MTUS1: variants seen among roughly 807,000 people sequenced by gnomAD.
MTUS1 encodes microtubule associated scaffold protein 1.
Under a neutral mutation model 120.8 loss-of-function variants are expected in MTUS1, and 109 were observed. That is an observed-to-expected ratio of 0.90 (90% CI 0.77 to 1.06). MTUS1 has a LOEUF of 1.06. Ranked by LOEUF, MTUS1 falls within the 50% of genes least tolerant of loss-of-function variation. The pLI, the probability that MTUS1 is intolerant of heterozygous loss-of-function variation, is 0.00. For missense variants in MTUS1, 2,210 were observed against 1,486.3 expected, an observed-to-expected ratio of 1.49 and a Z score of -8.01; for synonymous variants, 737 against 550.5, an observed-to-expected ratio of 1.34 and a Z score of -4.74.
rs141319832 is a variant in MTUS1, at chr8:17,658,525, G to C, written c.2906-2460C>G. Among the ~76,000 whole-genome samples, 22 of 152,268 alleles carry C rather than the reference G, an allele frequency of 1.4e-4. No homozygotes were observed. In the East Asian group the frequency reaches 4.3e-3, roughly 29 times the overall value. ...CTTCTGTCACCGATGTGTAAATACA[G>C]GCAGACAGGGTACTACTGTAACTGT... On this transcript the variant is annotated intron_variant, in intron 8 of 14. Transcript: ENST00000693296.
intron 1 of MTUS1, among the ~76,000 whole-genome samples, chr8:17,769,232 C>CTTTTT (rs35061390): frequency 7.6e-6 from 1 of 131,298 alleles, no homozygotes; most frequent in African/African-American, 2.8e-5. Flanking sequence ...GCTTTTATTC[C>CTTTTT]TTTTTTTTTT....
At chr8:17,731,456 C>A (rs888419865) in intron 3 of MTUS1, among the ~76,000 whole-genome samples, 1 of 152,006 alleles carries the variant, frequency 6.6e-6, no homozygotes, top group Non-Finnish European at 1.5e-5. Flanking sequence ...AAGTACCATA[C>A]AAATATTAGC....
chr8:17,767,759 T>G (rs1396780421), intron 1 of MTUS1, among the ~76,000 whole-genome samples: 1 of 147,574 alleles, frequency 6.8e-6, no homozygotes, highest in Non-Finnish European at 1.5e-5. Flanking sequence ...TGCTCCAAGT[T>G]TGGGGGTTGG....
intron 3 of MTUS1, among the ~76,000 whole-genome samples, chr8:17,737,928 AAAGT>A (rs1272402595): frequency 3.3e-5 from 5 of 152,226 alleles, no homozygotes; most frequent in African/African-American, 1.2e-4. Flanking sequence ...AAAGGATATA[AAAGT>A]AATTTGAAGA....
chr8:17,749,757 G>C (rs1031221808), intron 2 of MTUS1, among the ~76,000 whole-genome samples: 1 of 151,804 alleles, frequency 6.6e-6, no homozygotes, highest in East Asian at 1.9e-4. Flanking sequence ...CTCCTTTCTA[G>C]ACAGAACCAC....
At chr8:17,762,274 G>C (rs2049105813) in intron 1 of MTUS1, among the ~76,000 whole-genome samples, 1 of 152,146 alleles carries the variant, frequency 6.6e-6, no homozygotes, top group Non-Finnish European at 1.5e-5. Flanking sequence ...GCAAGACTTT[G>C]TCTCAAAAAC....
rs143902127 is a variant in MTUS1, at chr8:17,718,997, C to A, written c.2450-3096G>T. On this transcript the variant is annotated intron_variant, in intron 4 of 14. Coordinates refer to ENST00000693296, the MANE Select transcript of MTUS1 (RefSeq NM_001363059.2). ...CCAGCCTGGCCAATATGGCAAAACC[C>A]TGTCTCTACTGAAAATACAAATATT... Among the ~76,000 whole-genome samples the A allele has an allele frequency of 1.4e-4, 21 of 152,100 alleles. 1 individual carries two copies. The highest frequency in any genetic ancestry group is 4.3e-4 in the African/African-American group (18 of 41,528).
In MTUS1 at chr8:17,661,551, T is replaced by C. The variant is rs1001652456; in HGVS notation, c.2906-5486A>G. On this transcript the variant is annotated intron_variant, in intron 8 of 14. Coordinates refer to ENST00000693296, the MANE Select transcript of MTUS1 (RefSeq NM_001363059.2). ...GATAAAAATACTGTCGCTTTGAATA[T>C]GTAATTGTGGCACATCAGCCTTTAA... Among the ~76,000 whole-genome samples the C allele has an allele frequency of 3.9e-5, 6 of 152,082 alleles. No homozygotes were observed. In the East Asian group the frequency reaches 7.7e-4, roughly 20 times the overall value.
At chr8:17,656,203 C>G (rs1808190153) in intron 8 of MTUS1, 138 bp from the exon 9 acceptor site, 1 of 745,290 alleles carries the variant, frequency 1.3e-6, no homozygotes, top group Non-Finnish European at 2.2e-6. Flanking sequence ...ACCATGTCTT[C>G]AAATATAACA....
intron 7 of MTUS1, 52 bp downstream of exon 7, chr8:17,684,276 G>T: frequency 7.3e-7 from 1 of 1,374,012 alleles, no homozygotes; most frequent in Non-Finnish European, 1.0e-6. Flanking sequence ...AGTCCTCCCC[G>T]TGCTCCCCCG....
Position 17,715,916 on chromosome 8 carries a change from A to G in MTUS1, c.2450-15T>C, listed in dbSNP as rs1822235072. 2 of 1,604,746 alleles carry G rather than the reference A, an allele frequency of 1.2e-6. No individual in the cohort carries two copies. The highest frequency in any genetic ancestry group is 1.7e-5 in the Admixed American group (1 of 57,266). On this transcript the variant is annotated splice_polypyrimidine_tract_variant and intron_variant, in intron 4 of 14. Coordinates refer to ENST00000693296, the MANE Select transcript of MTUS1 (RefSeq NM_001363059.2). Reference sequence around the variant, plus strand: ...GGCATTACCAGCTGTAATAAAACAGAAAAGTACATTTTATTGTATAGATAA... The same window carrying G: ...GGCATTACCAGCTGTAATAAAACAGGAAAGTACATTTTATTGTATAGATAA...
chr8:17,683,865 A>G (rs1815156061), intron 7 of MTUS1, among the ~76,000 whole-genome samples: 1 of 152,214 alleles, frequency 6.6e-6, no homozygotes, highest in South Asian at 2.1e-4. Context: ...TGTTTTAGGA[A>G]TAAACAGAAC....
At chr8:17,780,561 C>A (rs2050797562) in intron 1 of MTUS1, among the ~76,000 whole-genome samples, 1 of 152,112 alleles carries the variant, frequency 6.6e-6, no homozygotes, top group South Asian at 2.1e-4. Flanking sequence ...CAGCAATAAT[C>A]TGCCTCTTTC....
rs186351468 is a variant in MTUS1 at position 17,722,188 on chromosome 8, T to G, written c.2449+1484A>C. The G allele has an allele frequency of 1.8e-4, 193 of 1,057,824 alleles. No individual in the cohort carries two copies. In the African/African-American group the frequency reaches 2.9e-3, roughly 16 times the overall value. The allele number at this position is 1,057,824 out of a possible 1,614,324, so 65.5% of individuals were successfully genotyped here. A position where few individuals can be genotyped will look rare whatever the true frequency, so the allele number is the denominator to read the frequency against. ...ACAAAAAGGAATGGACAAAAGCACT[T>G]TACAGCCTCCTTAGGAGCATCAGAC... On this transcript the variant is annotated intron_variant, in intron 4 of 14. Coordinates refer to ENST00000693296, the MANE Select transcript of MTUS1 (RefSeq NM_001363059.2).
At chr8:17,697,492 T>A in intron 6 of MTUS1, 1 of 1,455,308 alleles carries the variant, frequency 6.9e-7, no homozygotes, top group South Asian at 1.6e-5. Context: ...AGAGGAAAGA[T>A]GCCTACACAG....
chr8:17,700,148 G>A (rs944707368), intron 6 of MTUS1, among the ~76,000 whole-genome samples: 1 of 152,094 alleles, frequency 6.6e-6, no homozygotes, highest in African/African-American at 2.4e-5. Flanking sequence ...ACAACAGTTT[G>A]TAGTTGTAAA....
chr8:17,708,005 TAAATG>T (rs1341278075), intron 6 of MTUS1, among the ~76,000 whole-genome samples: 1 of 152,100 alleles, frequency 6.6e-6, no homozygotes, highest in Non-Finnish European at 1.5e-5. Flanking sequence ...AAAAAAAACT[TAAATG>T]AAAACACAGG....
intron 7 of MTUS1, among the ~76,000 whole-genome samples, chr8:17,678,300 C>T (rs921608720): frequency 4.6e-5 from 7 of 152,060 alleles, no homozygotes; most frequent in African/African-American, 1.7e-4. Flanking sequence ...AACTCTTAAC[C>T]GTCTAGATAA....
chr8:17,659,247 G>T (rs959783169), intron 8 of MTUS1, among the ~76,000 whole-genome samples: 1 of 152,110 alleles, frequency 6.6e-6, no homozygotes, highest in Non-Finnish European at 1.5e-5. Context: ...CGCATGATGG[G>T]GCCTCTACTG....
Sources: gnomAD v4.1 joint callset for allele counts (sites outside exome capture counted in the v4.1 genomes callset) on GRCh38, gnomAD v4.1.1 for gene constraint, MANE v1.5 for transcripts, NCBI Gene and HGNC (gene_info 2026-07-23, HGNC 2026-07-21) for gene names.